Variants in EFCAB3 observed in about 807,000 individuals in gnomAD.
EFCAB3 encodes the protein EF-hand calcium-binding domain-containing protein 3.
Under a neutral mutation model 42.2 loss-of-function variants are expected in EFCAB3, and 36 were observed. That is an observed-to-expected ratio of 0.85 (90% CI 0.65 to 1.13). The LOEUF (loss-of-function observed/expected upper bound fraction) is 1.13, where lower values mean the gene tolerates loss of function less well. Ranked by LOEUF, EFCAB3 falls within the 50% of genes most tolerant of loss-of-function variation. The pLI, the probability that EFCAB3 is intolerant of heterozygous loss-of-function variation, is 0.00. For missense variants in EFCAB3, 418 were observed against 505.1 expected (o/e 0.83, Z 1.65); for synonymous variants, 170 against 172.8 (o/e 0.98, Z 0.13).
At chr17:62,406,363 T>C (rs758028007) in intron 6 of EFCAB3, 117 bp from the exon 7 acceptor site, 3 of 769,548 alleles carry the variant, frequency 3.9e-6, no homozygotes, top group Non-Finnish European at 6.1e-6. Context: ...ATTGAATGAA[T>C]ATGCAAATTA....
chr17:62,396,803 G>C (rs1397077504), intron 6 of EFCAB3, among the ~76,000 whole-genome samples: 1 of 151,832 alleles, frequency 6.6e-6, no homozygotes, highest in Non-Finnish European at 1.5e-5. Flanking sequence ...CATTTGAGCC[G>C]AGGAATTTGA....
At chr17:62,387,876 C>G (rs2070267691) in intron 3 of EFCAB3, among the ~76,000 whole-genome samples, 1 of 152,024 alleles carries the variant, frequency 6.6e-6, no homozygotes, top group Admixed American at 6.6e-5. Flanking sequence ...TGGTCCCTGC[C>G]CTGATAGGAA....
At chr17:62,386,765 T>G (rs2070254983) in intron 2 of EFCAB3, among the ~76,000 whole-genome samples, 1 of 151,880 alleles carries the variant, frequency 6.6e-6, no homozygotes, top group Non-Finnish European at 1.5e-5. Flanking sequence ...TTTTGTAAAA[T>G]GGGGGAAATC....
intron 2 of EFCAB3, among the ~76,000 whole-genome samples, chr17:62,385,124 T>G (rs1011020193): frequency 4.6e-5 from 7 of 152,164 alleles, no homozygotes; most frequent in Non-Finnish European, 8.8e-5. Context: ...TAAAATAACC[T>G]ATCTGAATAA....
chr17:62,410,631 T>A (rs1240951128), intron 8 of EFCAB3, among the ~76,000 whole-genome samples: 1 of 151,548 alleles, frequency 6.6e-6, no homozygotes, highest in Non-Finnish European at 1.5e-5. Flanking sequence ...CTGGACTAAA[T>A]AAAATGACAA....
intron 8 of EFCAB3, among the ~76,000 whole-genome samples, chr17:62,409,799 ATAT>A (rs1189000641): frequency 6.6e-6 from 1 of 151,992 alleles, no homozygotes; most frequent in South Asian, 2.1e-4. Flanking sequence ...ATATTTACAA[ATAT>A]TATAATATAC....
In EFCAB3 at chr17:62,416,397, T is replaced by C; in HGVS notation, c.*68T>C. 7.8e-7 allele frequency: 1 copy of C among 1,281,886 alleles called. No individual in the cohort carries two copies. Among genetic ancestry groups the C allele is most frequent in the South Asian group, 1.6e-5 (1 of 64,480 alleles). 79.4% of individuals were successfully genotyped at this position (1,281,886 alleles called of 1,614,324 possible). ...CATAGTTATCAAAATTATTGTTTCTTGCTTTTGTCTAAGTACATTCTTAGA... is the reference window on the plus strand; with the variant it reads ...CATAGTTATCAAAATTATTGTTTCTCGCTTTTGTCTAAGTACATTCTTAGA... On this transcript the variant is annotated 3_prime_UTR_variant, in exon 10 of 10. Transcript: ENST00000305286.
intron 8 of EFCAB3, among the ~76,000 whole-genome samples, chr17:62,413,467 A>C (rs1055566774): frequency 1.3e-5 from 2 of 152,216 alleles, no homozygotes; most frequent in African/African-American, 4.8e-5. Context: ...ATAATTACCA[A>C]AAGGACAGAC....
chr17:62,404,535 G>A lies in EFCAB3; in HGVS notation c.489-1945G>A, dbSNP rs955888683. Among the ~76,000 whole-genome samples, 8 of 152,142 alleles carry A rather than the reference G, an allele frequency of 5.3e-5. No homozygotes were observed. The South Asian group carries it at 8.3e-4, about 16-fold the overall frequency. ...TAACAGGCTGGGCGCGGTGGCTCAC[G>A]CCTGTAATCCCAGCACTTTGGGAGG... is the stretch of plus-strand genomic sequence containing the variant. On this transcript the variant is annotated intron_variant, in intron 6 of 9. Transcript: ENST00000305286.
At chr17:62,377,838 A>G, upstream of EFCAB3, 1 of 726,654 alleles carries the variant, frequency 1.4e-6, no homozygotes, top group Non-Finnish European at 2.2e-6. Context: ...TGGATATCCC[A>G]TATAACCTTG....
intron 3 of EFCAB3, among the ~76,000 whole-genome samples, chr17:62,389,733 T>C (rs1462676456): frequency 6.6e-6 from 1 of 152,172 alleles, no homozygotes; most frequent in Non-Finnish European, 1.5e-5. Flanking sequence ...ATTAATAATA[T>C]AGAATTGATT....
chr17:62,391,480 G>A (rs998157637), intron 3 of EFCAB3, among the ~76,000 whole-genome samples: 2 of 152,038 alleles, frequency 1.3e-5, no homozygotes, highest in African/African-American at 2.4e-5. Flanking sequence ...AAGGGATCAC[G>A]TAATTAGATT....
rs1002462506 is a variant in EFCAB3, at chr17:62,396,908, T to A, written c.488+1720T>A. On this transcript the variant is annotated intron_variant, in intron 6 of 9. Transcript: ENST00000305286. Reference sequence around the variant, plus strand: ...AAATAAAATAAAAATAAAATTTTTTTAAAAAGAATATACATATTATCTAAT... The same window carrying A: ...AAATAAAATAAAAATAAAATTTTTTAAAAAAGAATATACATATTATCTAAT... Among the ~76,000 whole-genome samples the A allele has an allele frequency of 3.7e-4, 56 of 152,202 alleles. 1 individual carries two copies. Among genetic ancestry groups the A allele is most frequent in the Admixed American group, 4.6e-4 (7 of 15,274 alleles).
intron 5 of EFCAB3, among the ~76,000 whole-genome samples, chr17:62,394,199 C>T (rs1264333809): frequency 2.6e-5 from 4 of 152,164 alleles, no homozygotes; most frequent in African/African-American, 4.8e-5. Flanking sequence ...GTGATCCACC[C>T]GCCTTGGCCT....
At chr17:62,413,098 A>G (rs1350342123) in intron 8 of EFCAB3, among the ~76,000 whole-genome samples, 1 of 152,218 alleles carries the variant, frequency 6.6e-6, no homozygotes, top group Non-Finnish European at 1.5e-5. Context: ...ACTGTGATAC[A>G]AAAGTCAAAT....
chr17:62,404,053 C>T (rs149692388), intron 6 of EFCAB3, among the ~76,000 whole-genome samples: 1 of 152,250 alleles, frequency 6.6e-6, no homozygotes, highest in Non-Finnish European at 1.5e-5. Flanking sequence ...AAAACAGTTT[C>T]CCCCTTTGTG....
Position 62,395,189 on chromosome 17 carries a change from G to A in EFCAB3, c.488+1G>A. On this transcript the variant is annotated splice_donor_variant, in intron 6 of 9. Transcript: ENST00000305286. LOFTEE classifies it high-confidence loss of function. ...GAAAGTCTATAATAGAAATAGTAAG[G>A]TAAGTGAGAAGGAAAGGAGCAAAAA... 1.2e-6 allele frequency: 2 copies of A among 1,611,566 alleles called. No individual in the cohort carries two copies. Among genetic ancestry groups the A allele is most frequent in the Non-Finnish European group, 1.7e-6 (2 of 1,179,314 alleles).
chr17:62,372,550 G>A (rs1356443866), intron 1 of EFCAB3, among the ~76,000 whole-genome samples: 1 of 55,384 alleles, frequency 1.8e-5, no homozygotes, highest in Non-Finnish European at 3.3e-5. Context: ...CCAAAGTGCT[G>A]GAATTACAGG....
chr17:62,381,987 A>C (rs1041500030), intron 1 of EFCAB3: 1 of 269,426 alleles, frequency 3.7e-6, no homozygotes, highest in Middle Eastern at 1.6e-3. Context: ...GAGTCAGACG[A>C]TGACATGGGA....
Sources: gnomAD v4.1 joint callset for allele counts (sites outside exome capture counted in the v4.1 genomes callset) on GRCh38, gnomAD v4.1.1 for gene constraint, MANE v1.5 for transcripts, NCBI Gene and HGNC (gene_info 2026-07-23, HGNC 2026-07-21) for gene names.